Variants in EYA1 observed in about 807,000 individuals in gnomAD.
EYA1 encodes EYA transcriptional coactivator and phosphatase 1, also known as protein phosphatase EYA1.
Under a neutral mutation model 82.0 loss-of-function variants are expected in EYA1, and 16 were observed. The observed-to-expected ratio is 0.20, with a 90% CI of 0.13 to 0.30. The LOEUF (loss-of-function observed/expected upper bound fraction) is 0.30. Ranked by LOEUF, EYA1 falls within the 10% of genes least tolerant of loss-of-function variation. EYA1 has a pLI of 1.00. For missense variants in EYA1, 633 were observed against 730.7 expected, an observed-to-expected ratio of 0.87 and a Z score of 1.54; for synonymous variants, 261 against 264.4, an observed-to-expected ratio of 0.99 and a Z score of 0.12.
chr8:71,240,259 G>T lies in EYA1; in HGVS notation c.1140+4344C>A, dbSNP rs1368481949. ...TACTCTAGTGGGACCAGAACTTTCT[G>T]CCCCAGGCCTTTTTTTTTTTTTTTA... On this transcript the variant is annotated intron_variant, in intron 12 of 17. Coordinates refer to ENST00000340726, the MANE Select transcript of EYA1 (RefSeq NM_000503.6). Among the ~76,000 whole-genome samples the T allele has an allele frequency of 2.1e-5, 3 of 141,576 alleles. No individual in the cohort carries two copies. In the East Asian group the frequency reaches 5.9e-4, roughly 28 times the overall value. The allele number at this position is 141,576 out of a possible 152,430, so 92.9% of individuals were successfully genotyped here.
At chr8:71,432,537 T>C (rs1805700391) in intron 2 of EYA1, among the ~76,000 whole-genome samples, 1 of 152,186 alleles carries the variant, frequency 6.6e-6, no homozygotes. Context: ...CCTCTCTCCT[T>C]GGCTTACAGA....
chr8:71,212,657 T>TAGA (rs1585795612), intron 16 of EYA1, among the ~76,000 whole-genome samples: 1 of 152,354 alleles, frequency 6.6e-6, no homozygotes, highest in African/African-American at 2.4e-5. Context: ...GCTTAGATTT[T>TAGA]AGAAGTTAAC....
intron 2 of EYA1, among the ~76,000 whole-genome samples, chr8:71,504,915 C>T (rs1031051266): frequency 1.3e-5 from 2 of 152,154 alleles, no homozygotes; most frequent in African/African-American, 4.8e-5. Context: ...GATTCTCCTG[C>T]CTCAGCCTCC....
intron 2 of EYA1, among the ~76,000 whole-genome samples, chr8:71,494,022 C>CAAAAAAAAAAAAAAAAAAAA (rs34340467): frequency 6.7e-4 from 28 of 41,860 alleles, no homozygotes; most frequent in South Asian, 1.6e-3. Flanking sequence ...GACTCCGTCT[C>CAAAAAAAAAAAAAAAAAAAA]AAAAAAAAAA....
chr8:71,404,184 C>A (rs1339648094), intron 2 of EYA1: 1 of 152,122 alleles, frequency 6.6e-6, no homozygotes, highest in Non-Finnish European at 1.5e-5. Context: ...ATCAGAAATG[C>A]ACATTTTAAA....
intron 11 of EYA1, among the ~76,000 whole-genome samples, chr8:71,267,926 A>C: frequency 6.6e-6 from 1 of 152,250 alleles, no homozygotes; most frequent in East Asian, 1.9e-4. Flanking sequence ...CTACTTGAAG[A>C]AGCCTCAAAG....
Position 71,544,724 on chromosome 8 carries a change from C to T in EYA1, c.-73+3140G>A, listed in dbSNP as rs557147580. On this transcript the variant is annotated intron_variant, in intron 1 of 18. Transcript: ENST00000643681. ...TCTGATCCCCCTCCAAAGGACCTACCTGTTGGTCAATGACCCCTGGATCTG... is the reference window on the plus strand; with the variant it reads ...TCTGATCCCCCTCCAAAGGACCTACTTGTTGGTCAATGACCCCTGGATCTG... Among the ~76,000 whole-genome samples the T allele has an allele frequency of 2.6e-5, 4 of 152,312 alleles. No individual in the cohort carries two copies. In the South Asian group the frequency reaches 8.3e-4, roughly 32 times the overall value.
intron 2 of EYA1, among the ~76,000 whole-genome samples, chr8:71,535,231 T>C (rs1387576506): frequency 1.3e-5 from 2 of 152,230 alleles, no homozygotes; most frequent in Non-Finnish European, 2.9e-5. Context: ...CCCTTTCTCT[T>C]CTGCTCACAA....
chr8:71,311,882 C>T (rs576019283), intron 7 of EYA1, among the ~76,000 whole-genome samples: 1 of 152,218 alleles, frequency 6.6e-6, no homozygotes, highest in South Asian at 2.1e-4. Flanking sequence ...AAATCTGATC[C>T]TTGTTTAGTT....
chr8:71,462,823 A>G (rs549747023), intron 2 of EYA1, among the ~76,000 whole-genome samples: 1 of 152,292 alleles, frequency 6.6e-6, no homozygotes, highest in East Asian at 1.9e-4. Flanking sequence ...GACATGGGGC[A>G]CAGAGGACCA....
At chr8:71,319,888 T>C (rs1310334524) in intron 6 of EYA1, among the ~76,000 whole-genome samples, 1 of 152,178 alleles carries the variant, frequency 6.6e-6, no homozygotes, top group Non-Finnish European at 1.5e-5. Context: ...CATCTCCTTC[T>C]ACTCAAGTTC....
intron 9 of EYA1, among the ~76,000 whole-genome samples, chr8:71,273,621 G>A (rs1363395467): frequency 6.6e-6 from 1 of 152,218 alleles, no homozygotes; most frequent in East Asian, 1.9e-4. Flanking sequence ...ATTCTGCAAT[G>A]TACGTCTCCA....
chr8:71,412,720 C>T (rs1446678434), intron 2 of EYA1, among the ~76,000 whole-genome samples: 6 of 152,192 alleles, frequency 3.9e-5, no homozygotes, highest in Non-Finnish European at 8.8e-5. Flanking sequence ...GTGCTTTCCA[C>T]ATCCTACTTA....
upstream of EYA1, among the ~76,000 whole-genome samples, chr8:71,364,026 A>G (rs769656161): frequency 2.0e-5 from 3 of 151,996 alleles, no homozygotes; most frequent in Non-Finnish European, 4.4e-5. Flanking sequence ...TTATAGTTAA[A>G]TGTATCATAT....
At chr8:71,461,734 G>A (rs1166546187) in intron 2 of EYA1, among the ~76,000 whole-genome samples, 1 of 152,178 alleles carries the variant, frequency 6.6e-6, no homozygotes, top group African/African-American at 2.4e-5. Context: ...GCAAGATGAA[G>A]AGGATAGAAT....
At chr8:71,537,090 T>A (rs1814766072) in intron 1 of EYA1, among the ~76,000 whole-genome samples, 1 of 152,222 alleles carries the variant, frequency 6.6e-6, no homozygotes. Context: ...CTTAGGAGAA[T>A]TGTCACTTGT....
chr8:71,459,697 A>G (rs1440386619), intron 2 of EYA1, among the ~76,000 whole-genome samples: 1 of 151,978 alleles, frequency 6.6e-6, no homozygotes, highest in Non-Finnish European at 1.5e-5. Context: ...ACTGTTCATC[A>G]TACTCTGAGA....
chr8:71,313,106 T>G (rs1821532096), intron 7 of EYA1, among the ~76,000 whole-genome samples: 1 of 152,152 alleles, frequency 6.6e-6, no homozygotes, highest in African/African-American at 2.4e-5. Flanking sequence ...TCTTCCTTGC[T>G]TCCCCACTCT....
At chr8:71,281,621 G>A (rs979506057) in intron 9 of EYA1, among the ~76,000 whole-genome samples, 1 of 152,222 alleles carries the variant, frequency 6.6e-6, no homozygotes, top group Non-Finnish European at 1.5e-5. Context: ...TGTGATTCTT[G>A]CATCACTGGG....
Sources: allele counts gnomAD v4.1 joint callset (sites outside exome capture counted in the v4.1 genomes callset), GRCh38; gene constraint gnomAD v4.1.1; transcripts MANE v1.5; gene names NCBI Gene and HGNC (gene_info 2026-07-23, HGNC 2026-07-21).